Variants in RALGPS2 observed in about 807,000 individuals in gnomAD.
RALGPS2 encodes Ral GEF with PH domain and SH3 binding motif 2, also known as ras-specific guanine nucleotide-releasing factor RalGPS2.
In RALGPS2, 43 loss-of-function variants were observed where a neutral mutation model predicts 86.8. The observed-to-expected ratio is 0.50, with a 90% confidence interval of 0.39 to 0.64. RALGPS2 has a LOEUF of 0.64. RALGPS2 is among the 30% of genes least tolerant of loss of function. RALGPS2 has a pLI of 0.00. For missense variants in RALGPS2, 536 were observed against 694.6 expected (o/e 0.77, Z 2.57); for synonymous variants, 243 against 231.3 (o/e 1.05, Z -0.46).
chr1:178,726,203 T>G (rs572230116), intron 1 of RALGPS2: 1 of 152,352 alleles, frequency 6.6e-6, no homozygotes, highest in East Asian at 1.9e-4. Context: ...AGTATCGGAT[T>G]AGGTAGGCTC....
intron 18 of RALGPS2, among the ~76,000 whole-genome samples, chr1:178,904,191 G>A (rs1046577956): frequency 7.9e-5 from 12 of 151,894 alleles, no homozygotes; most frequent in East Asian, 1.9e-4. Flanking sequence ...CCCACTTTTC[G>A]ATGGGATTGG....
intron 1 of RALGPS2, among the ~76,000 whole-genome samples, chr1:178,764,462 C>T (rs186128914): frequency 1.6e-3 from 244 of 152,316 alleles, no homozygotes; most frequent in African/African-American, 5.4e-3. Context: ...AGTCCATTTA[C>T]ATTCAAGGTA....
intron 17 of RALGPS2, among the ~76,000 whole-genome samples, chr1:178,900,278 A>G (rs991044215): frequency 6.6e-6 from 1 of 151,996 alleles, no homozygotes; most frequent in African/African-American, 2.4e-5. Context: ...TTAGTATTCT[A>G]TAAAGTATAT....
intron 8 of RALGPS2, among the ~76,000 whole-genome samples, chr1:178,848,910 G>A (rs1325369505): frequency 6.6e-6 from 1 of 152,144 alleles, no homozygotes; most frequent in African/African-American, 2.4e-5. Context: ...GATTACAGAT[G>A]TGAGCCACCA....
intron 8 of RALGPS2, among the ~76,000 whole-genome samples, chr1:178,875,329 T>C (rs1658951812): frequency 6.6e-6 from 1 of 152,222 alleles, no homozygotes; most frequent in African/African-American, 2.4e-5. Flanking sequence ...AAAAGAAGTG[T>C]ACTATTGTAT....
intron 4 of RALGPS2, 38 bp from the exon 5 acceptor site, chr1:178,808,007 G>T (rs375323997): frequency 6.9e-6 from 9 of 1,295,098 alleles, no homozygotes; most frequent in Non-Finnish European, 6.7e-6. Flanking sequence ...AAAAAACTAG[G>T]CTATTACTTA....
rs753747157 is a variant in RALGPS2, at chr1:178,894,004, AAAG to A, written c.1415_1417del (p.Glu472del). On this transcript the variant is annotated inframe_deletion, in exon 16 of 20. Coordinates refer to ENST00000367635, the MANE Select transcript of RALGPS2 (RefSeq NM_152663.5). ...TGTTCTCAGGAGAAAAACTTTGTTAAAAGAAGGCAAAAAGCCTACAGTAAGATT... is the reference window on the plus strand; with the variant it reads ...TGTTCTCAGGAGAAAAACTTTGTTAAAAGGCAAAAAGCCTACAGTAAGATT... 1 of 1,595,214 alleles carries A rather than the reference AAAG, an allele frequency of 6.3e-7. No individual in the cohort carries two copies. The highest frequency in any genetic ancestry group is 8.6e-7 in the Non-Finnish European group (1 of 1,165,594).
At chr1:178,728,921 C>G (rs1357132197) in intron 1 of RALGPS2, among the ~76,000 whole-genome samples, 1 of 152,178 alleles carries the variant, frequency 6.6e-6, no homozygotes, top group African/African-American at 2.4e-5. Context: ...TTTACATAGT[C>G]ACTTTACTAA....
intron 7 of RALGPS2, among the ~76,000 whole-genome samples, chr1:178,826,245 G>T (rs1243745977): frequency 6.6e-6 from 1 of 152,192 alleles, no homozygotes; most frequent in African/African-American, 2.4e-5. Context: ...TATTGTATAT[G>T]TTTTAATGTT....
chr1:178,850,998 A>T, intron 8 of RALGPS2: 1 of 821,544 alleles, frequency 1.2e-6, no homozygotes, highest in East Asian at 3.0e-5. Context: ...TTTTATAGTT[A>T]CGGTAAAATT....
Position 178,897,543 on chromosome 1 carries a change from C to G in RALGPS2, c.1432-121C>G. On this transcript the variant is annotated intron_variant, in intron 16 of 19. Coordinates refer to ENST00000367635, the MANE Select transcript of RALGPS2 (RefSeq NM_152663.5). ...TTAAGATTTCAGAAGTGATACAGCT[C>G]AACTCTGAGGTTAGGACTTTGGTTG... The G allele has an allele frequency of 4.0e-6, 3 of 750,040 alleles. No homozygotes were observed. The Admixed American group carries it at 6.6e-5, about 17-fold the overall frequency. The allele number at this position is 750,040 out of a possible 1,614,324, so 46.5% of individuals were successfully genotyped here.
intron 6 of RALGPS2, among the ~76,000 whole-genome samples, chr1:178,818,715 G>C (rs567675518): frequency 6.6e-6 from 1 of 152,198 alleles, no homozygotes; most frequent in Non-Finnish European, 1.5e-5. Flanking sequence ...AAATCTGCCT[G>C]TCGGAGCCTT....
intron 19 of RALGPS2, among the ~76,000 whole-genome samples, chr1:178,907,346 A>T (rs1290653477): frequency 2.0e-5 from 3 of 152,212 alleles, no homozygotes; most frequent in African/African-American, 7.2e-5. Flanking sequence ...ATAGTTCTCT[A>T]AAGGGTAAAA....
intron 1 of RALGPS2, chr1:178,746,892 C>G (rs1278146229): frequency 1.6e-5 from 18 of 1,139,300 alleles, no homozygotes; most frequent in Non-Finnish European, 1.7e-5. Context: ...TCTTCTAGAC[C>G]TATTCTGTTC....
intron 8 of RALGPS2, among the ~76,000 whole-genome samples, chr1:178,836,247 C>T (rs757384578): frequency 2.0e-5 from 3 of 152,234 alleles, no homozygotes; most frequent in Non-Finnish European, 4.4e-5. Flanking sequence ...CGACCTGAAA[C>T]AAAGAGTAAT....
At chr1:178,837,901 G>A (rs1656359773) in intron 8 of RALGPS2, among the ~76,000 whole-genome samples, 1 of 152,212 alleles carries the variant, frequency 6.6e-6, no homozygotes, top group South Asian at 2.1e-4. Flanking sequence ...TGGCTCAGAG[G>A]GTGCCACGCC....
rs553932466 is a variant in RALGPS2, at chr1:178,797,817, C to T, written c.214-10228C>T. Among the ~76,000 whole-genome samples the T allele has an allele frequency of 3.3e-5, 5 of 152,180 alleles. No homozygotes were observed. The East Asian group carries it at 7.7e-4, about 24-fold the overall frequency. ...ACAAAGATCTCTCCCTGTGCTACCT[C>T]TTTATAGTCACACCCATCGCATTAC... is the stretch of plus-strand genomic sequence containing the variant. On this transcript the variant is annotated intron_variant, in intron 4 of 19. Transcript: ENST00000367635.
chr1:178,729,291 T>C (rs937812675), intron 1 of RALGPS2, among the ~76,000 whole-genome samples: 3 of 152,196 alleles, frequency 2.0e-5, no homozygotes, highest in African/African-American at 7.2e-5. Flanking sequence ...TTTTACATCA[T>C]TGGTTTATCT....
chr1:178,755,027 T>C (rs1651879708), intron 1 of RALGPS2, among the ~76,000 whole-genome samples: 1 of 152,242 alleles, frequency 6.6e-6, no homozygotes, highest in African/African-American at 2.4e-5. Context: ...CTTGAACTCC[T>C]GACCTCAGGT....
Sources: allele counts gnomAD v4.1 joint callset (sites outside exome capture counted in the v4.1 genomes callset), GRCh38; gene constraint gnomAD v4.1.1; transcripts MANE v1.5; gene names NCBI Gene and HGNC (gene_info 2026-07-23, HGNC 2026-07-21).